The following TSPAN9 variants were observed in gnomAD, a reference collection of about 807,000 sequenced individuals.
TSPAN9 encodes tetraspanin-9.
TSPAN9 carries 16 observed loss-of-function variants against 31.0 expected under a neutral mutation model. The observed-to-expected ratio is 0.52, with a 90% CI of 0.35 to 0.78. The LOEUF is 0.78. Ranked by LOEUF, TSPAN9 falls within the 30% of genes least tolerant of loss-of-function variation. The probability of loss-of-function intolerance (pLI) is 0.01; values close to 1 mark genes in which losing one functional copy is unlikely to be tolerated. For synonymous variants in TSPAN9, 145 were observed against 121.6 expected, an observed-to-expected ratio of 1.19 and a Z score of -1.27; for missense variants, 272 against 312.5, an observed-to-expected ratio of 0.87 and a Z score of 0.98.
At chr12:3,109,383 C>G (rs912907109) in intron 2 of TSPAN9, among the ~76,000 whole-genome samples, 1 of 150,222 alleles carries the variant, frequency 6.7e-6, no homozygotes, top group Non-Finnish European at 1.5e-5. Flanking sequence ...GTCTAGTGAT[C>G]CTTGGAAGTC....
At chr12:3,171,395 T>A (rs1203657692) in intron 2 of TSPAN9, among the ~76,000 whole-genome samples, 1 of 152,152 alleles carries the variant, frequency 6.6e-6, no homozygotes, top group Non-Finnish European at 1.5e-5. Flanking sequence ...TGCAAATGAT[T>A]GCCCACTCTC....
At chr12:3,250,970 T>G (rs1862235723) in intron 3 of TSPAN9, among the ~76,000 whole-genome samples, 2 of 152,254 alleles carry the variant, frequency 1.3e-5, no homozygotes, top group African/African-American at 4.8e-5. Flanking sequence ...TCTTCTCCTT[T>G]CTGCCTCCTC....
chr12:3,282,321 G>C (rs1436671400), intron 8 of TSPAN9, among the ~76,000 whole-genome samples: 1 of 152,082 alleles, frequency 6.6e-6, no homozygotes, highest in Admixed American at 6.5e-5. Flanking sequence ...TCACTGGAAA[G>C]ACAGCCCTGC....
intron 2 of TSPAN9, among the ~76,000 whole-genome samples, chr12:3,088,594 C>G (rs1185231468): frequency 6.6e-6 from 1 of 152,220 alleles, no homozygotes; most frequent in South Asian, 2.1e-4. Flanking sequence ...CTGTGAAGGT[C>G]TCCTGGACGG....
chr12:3,278,512 C>G lies in TSPAN9; in HGVS notation c.155C>G (p.Ser52Cys). The change falls in exon 4 of 9, where the codon TCT (serine) becomes TGT (cysteine). Residue 52 changes from serine to cysteine, a missense_variant. By Grantham distance (112) the Ser-to-Cys change is moderately radical (BLOSUM62 -1). Transcript: ENST00000011898. ...ATFSPSFPSLSAANLVIAIGT... is the reference protein window; with the variant it reads ...ATFSPSFPSLCAANLVIAIGT... ...TTCTCCCCCAGCTTCCCTTCGTTGT[C>G]TGCAGCCAACCTGGTCATTGCCATA... 2.5e-6 allele frequency: 4 copies of G among 1,614,246 alleles called. No homozygotes were observed. Among genetic ancestry groups the G allele is most frequent in the Non-Finnish European group, 2.5e-6 (3 of 1,180,034 alleles).
chr12:3,280,939 G>A lies in TSPAN9; in HGVS notation c.433-259G>A, dbSNP rs1002047494. Among the ~76,000 whole-genome samples, 3 of 152,086 alleles carry A rather than the reference G, an allele frequency of 2.0e-5. No individual in the cohort carries two copies. The highest frequency in any genetic ancestry group is 4.4e-5 in the Non-Finnish European group (3 of 68,010). ...GGTGCTGGTGGGCAAGCACAGGGCTGAGCCAAGGGGCCCAGCCCGAGGGGT... is the reference window on the plus strand; with the variant it reads ...GGTGCTGGTGGGCAAGCACAGGGCTAAGCCAAGGGGCCCAGCCCGAGGGGT... On this transcript the variant is annotated intron_variant, in intron 6 of 8. Transcript: ENST00000011898. The surrounding 1 kb of genome is among the most constrained non-coding windows in gnomAD (Gnocchi z 4.5).
chr12:3,152,054 A>G (rs1306342419), intron 2 of TSPAN9, among the ~76,000 whole-genome samples: 1 of 152,244 alleles, frequency 6.6e-6, no homozygotes, highest in Non-Finnish European at 1.5e-5. Context: ...TGGCGCAGAC[A>G]ACTCTGAGGA....
chr12:3,198,487 G>A (rs1489547403), intron 2 of TSPAN9, among the ~76,000 whole-genome samples: 1 of 100,574 alleles, frequency 9.9e-6, no homozygotes, highest in Admixed American at 1.1e-4. Flanking sequence ...CACCAGCACA[G>A]GTCACCAGCA....
At chr12:3,178,286 T>TTTTTC (rs201749674) in intron 2 of TSPAN9, among the ~76,000 whole-genome samples, 5,972 of 151,386 alleles carry the variant, frequency 0.039, 379 homozygotes, top group African/African-American at 0.14. Context: ...AAGGGGTTTC[T>TTTTTC]TTTTCTTTTT....
At chr12:3,184,998 A>G (rs1420375417) in intron 2 of TSPAN9, among the ~76,000 whole-genome samples, 2 of 152,158 alleles carry the variant, frequency 1.3e-5, no homozygotes, top group African/African-American at 2.4e-5. Flanking sequence ...TTGGTTCTAT[A>G]GTCTCTATTC....
At chr12:3,213,704 A>G (rs1221209213) in intron 3 of TSPAN9, among the ~76,000 whole-genome samples, 2 of 151,938 alleles carry the variant, frequency 1.3e-5, no homozygotes, top group Admixed American at 1.3e-4. Context: ...AAAAGTGCAT[A>G]TTTCACAAAA....
At chr12:3,161,887 C>T (rs1681628219) in intron 2 of TSPAN9, among the ~76,000 whole-genome samples, 1 of 152,108 alleles carries the variant, frequency 6.6e-6, no homozygotes, top group East Asian at 1.9e-4. Context: ...TGCACTCCAG[C>T]TCACTGCAGC....
At chr12:3,244,623 G>A (rs769605830) in intron 3 of TSPAN9, among the ~76,000 whole-genome samples, 3 of 152,156 alleles carry the variant, frequency 2.0e-5, no homozygotes, top group East Asian at 1.9e-4. Flanking sequence ...GGCAGACAGC[G>A]AGCGCCAGTA....
At chr12:3,106,367 C>T (rs1354167167) in intron 2 of TSPAN9, among the ~76,000 whole-genome samples, 1 of 152,224 alleles carries the variant, frequency 6.6e-6, no homozygotes, top group East Asian at 1.9e-4. Flanking sequence ...ACACAGGAGA[C>T]ACAGGTGGTT....
At chr12:3,206,283 C>T (rs763259742) in intron 3 of TSPAN9, 16 of 455,848 alleles carry the variant, frequency 3.5e-5, no homozygotes, top group South Asian at 2.5e-4. Flanking sequence ...TGCACAGGAT[C>T]CTCCAGTTGG....
chr12:3,126,459 C>T (rs548048335), intron 2 of TSPAN9, among the ~76,000 whole-genome samples: 1 of 152,356 alleles, frequency 6.6e-6, no homozygotes, highest in South Asian at 2.1e-4. Context: ...TGTCTATACG[C>T]TGGAGCTGCC....
chr12:3,221,194 TG>T (rs1440501904), intron 3 of TSPAN9, among the ~76,000 whole-genome samples: 1 of 152,154 alleles, frequency 6.6e-6, no homozygotes, highest in Non-Finnish European at 1.5e-5. Context: ...CATCCTTTAC[TG>T]GTCCCTTCCC....
rs59811095 is a variant in TSPAN9, at chr12:3,226,652, ATGTGTGTGTGTGTGTGTGTGTGTGTGTG to A, written c.63+25424_63+25451del. On this transcript the variant is annotated intron_variant, in intron 3 of 8. Transcript: ENST00000011898. ...CATCTCTTAAAAAAATTTTATATATATGTGTGTGTGTGTGTGTGTGTGTGTGTGTGTGTGTGTGTGTGTGTGTGTGTGT... is the reference window on the plus strand; with the variant it reads ...CATCTCTTAAAAAAATTTTATATATATGTGTGTGTGTGTGTGTGTGTGTGT... Among the ~76,000 whole-genome samples, 167 of 95,562 alleles carry A rather than the reference ATGTGTGTGTGTGTGTGTGTGTGTGTGTG, an allele frequency of 1.7e-3. 8 individuals are homozygous for A. Among genetic ancestry groups the A allele is most frequent in the African/African-American group, 5.9e-3 (135 of 23,044 alleles). 62.7% of individuals were successfully genotyped at this position (95,562 alleles called of 152,430 possible).
chr12:3,232,697 G>A (rs1177176585), intron 3 of TSPAN9, among the ~76,000 whole-genome samples: 2 of 152,178 alleles, frequency 1.3e-5, no homozygotes, highest in Admixed American at 6.5e-5. Flanking sequence ...TGATGCTGGC[G>A]CATCCAGCCC....
Sources: gnomAD v4.1 joint callset for allele counts (sites outside exome capture counted in the v4.1 genomes callset) on GRCh38, gnomAD v4.1.1 for gene constraint, Gnocchi (gnomAD v3.1) non-coding constraint, MANE v1.5 for transcripts, NCBI Gene and HGNC (gene_info 2026-07-23, HGNC 2026-07-21) for gene names.